GRIA2: variants seen among roughly 807,000 people sequenced by gnomAD.
GRIA2 encodes glutamate ionotropic receptor AMPA type subunit 2.
A neutral mutation model predicts 97.3 loss-of-function variants in GRIA2; 14 were observed. The ratio of observed to expected loss-of-function variants is 0.14; its 90% CI spans 0.10 to 0.23. The LOEUF (loss-of-function observed/expected upper bound fraction) is 0.23, where lower values mean the gene tolerates loss of function less well. GRIA2 is among the 10% of genes least tolerant of loss of function. The pLI is 1.00. For synonymous variants in GRIA2, 412 were observed against 387.8 expected (o/e 1.06, Z -0.73); for missense variants, 558 against 1,069.8 (o/e 0.52, Z 6.67).
chr4:157,279,442 G>C (rs939371083), intron 2 of GRIA2, among the ~76,000 whole-genome samples: 2 of 152,154 alleles, frequency 1.3e-5, no homozygotes, highest in African/African-American at 4.8e-5. Flanking sequence ...GGCTGAAGGA[G>C]GGAAGGATGA....
intron 2 of GRIA2, among the ~76,000 whole-genome samples, chr4:157,268,265 A>G (rs1035840416): frequency 1.2e-4 from 19 of 152,038 alleles, no homozygotes; most frequent in Non-Finnish European, 2.9e-5. Flanking sequence ...TGCCCAAGGG[A>G]ATCTTGGTGT....
intron 2 of GRIA2, among the ~76,000 whole-genome samples, chr4:157,235,233 T>C (rs1172406243): frequency 2.6e-5 from 4 of 152,242 alleles, no homozygotes; most frequent in African/African-American, 9.6e-5. Flanking sequence ...TATCACAAGA[T>C]TTTCTTCTTT....
At chr4:157,275,424 T>C (rs1732249802) in intron 2 of GRIA2, among the ~76,000 whole-genome samples, 1 of 152,222 alleles carries the variant, frequency 6.6e-6, no homozygotes, top group East Asian at 1.9e-4. Flanking sequence ...TTTGGTGTTT[T>C]AGTCATGAAG....
intron 6 of GRIA2, among the ~76,000 whole-genome samples, chr4:157,331,442 AC>A (rs547312241): frequency 2.4e-3 from 364 of 152,138 alleles, no homozygotes; most frequent in Non-Finnish European, 4.7e-3. Flanking sequence ...AAAATATTTG[AC>A]TTATTCAATT....
intron 2 of GRIA2, among the ~76,000 whole-genome samples, chr4:157,256,977 T>G (rs1579309640): frequency 6.6e-6 from 1 of 152,144 alleles, no homozygotes; most frequent in East Asian, 1.9e-4. Flanking sequence ...GTTGAGGTAT[T>G]TGGAAAGCAT....
At chr4:157,335,919 A>C (rs956998340) in intron 10 of GRIA2, 42 bp downstream of exon 10, 13 of 1,295,080 alleles carry the variant, frequency 1.0e-5, no homozygotes, top group Non-Finnish European at 2.2e-6. Flanking sequence ...TTCAATTTGA[A>C]TTGTTGTTGA....
chr4:157,333,025 G>T (rs368699030), intron 7 of GRIA2, 39 bp downstream of exon 7: 2 of 1,463,912 alleles, frequency 1.4e-6, no homozygotes, highest in East Asian at 2.3e-5. Flanking sequence ...GACTTAATAT[G>T]GCCATTAATG....
chr4:157,356,001 A>T (rs1417218034), intron 12 of GRIA2, among the ~76,000 whole-genome samples: 2 of 104,108 alleles, frequency 1.9e-5, no homozygotes, highest in South Asian at 2.7e-4. Flanking sequence ...ATATATATTT[A>T]TATATGTATT....
At chr4:157,357,406 G>A (rs994974263) in intron 12 of GRIA2, among the ~76,000 whole-genome samples, 2 of 152,018 alleles carry the variant, frequency 1.3e-5, no homozygotes, top group Non-Finnish European at 2.9e-5. Flanking sequence ...TGTTAAAAAA[G>A]GGAACAGTAA....
chr4:157,363,121 A>T (rs1027676405), intron 15 of GRIA2, 74 bp downstream of exon 15: 28 of 1,444,622 alleles, frequency 1.9e-5, no homozygotes, highest in African/African-American at 1.4e-4. Context: ...GCTCTTTTAA[A>T]TAAGGAAGGT....
At chr4:157,302,095 C>G (rs1016270932) in intron 2 of GRIA2, among the ~76,000 whole-genome samples, 4 of 151,600 alleles carry the variant, frequency 2.6e-5, no homozygotes, top group Admixed American at 2.6e-4. Flanking sequence ...ATCGCTTGAA[C>G]CCGGGAGGCG....
chr4:157,281,243 A>C (rs1309484014), intron 2 of GRIA2, among the ~76,000 whole-genome samples: 1 of 152,110 alleles, frequency 6.6e-6, no homozygotes. Flanking sequence ...GAGAATGTTC[A>C]TTAATTGGTA....
intron 2 of GRIA2, among the ~76,000 whole-genome samples, chr4:157,230,559 T>TTCC (rs1729959603): frequency 1.1e-5 from 1 of 89,406 alleles, no homozygotes; most frequent in African/African-American, 5.2e-5. Flanking sequence ...TCCTTCCTTC[T>TTCC]TTCCTTCCTT....
chr4:157,296,567 T>C (rs1026184649), intron 2 of GRIA2, among the ~76,000 whole-genome samples: 6 of 152,232 alleles, frequency 3.9e-5, no homozygotes, highest in African/African-American at 1.4e-4. Flanking sequence ...AATTTAAACT[T>C]AAAAGAATTC....
chr4:157,297,204 G>A (rs1160940501), intron 2 of GRIA2, among the ~76,000 whole-genome samples: 3 of 152,080 alleles, frequency 2.0e-5, no homozygotes, highest in African/African-American at 7.2e-5. Flanking sequence ...AGATAGAGAG[G>A]TCTAATGGGC....
intron 2 of GRIA2, among the ~76,000 whole-genome samples, chr4:157,253,606 T>TAGA (rs1389641531): frequency 6.6e-6 from 1 of 152,110 alleles, no homozygotes; most frequent in Non-Finnish European, 1.5e-5. Flanking sequence ...GAAAGCAGAA[T>TAGA]AGAATACTAG....
intron 12 of GRIA2, among the ~76,000 whole-genome samples, chr4:157,354,580 A>G (rs936910368): frequency 2.0e-5 from 3 of 152,212 alleles, no homozygotes; most frequent in Non-Finnish European, 4.4e-5. Flanking sequence ...AGTATGCACC[A>G]GATTAAACTG....
chr4:157,313,167 A>G (rs746613814), intron 4 of GRIA2, among the ~76,000 whole-genome samples: 5 of 152,102 alleles, frequency 3.3e-5, no homozygotes, highest in Non-Finnish European at 7.4e-5. Context: ...TTTCATTTGA[A>G]AATTTTAAAT....
intron 2 of GRIA2, chr4:157,249,581 C>T (rs1433214498): frequency 6.6e-6 from 1 of 152,094 alleles, no homozygotes; most frequent in Non-Finnish European, 1.5e-5. Flanking sequence ...GAATTTCTGA[C>T]TCTTAAAATA....
Sources: gnomAD v4.1 joint callset for allele counts (sites outside exome capture counted in the v4.1 genomes callset) on GRCh38, gnomAD v4.1.1 for gene constraint, MANE v1.5 for transcripts, NCBI Gene and HGNC (gene_info 2026-07-23, HGNC 2026-07-21) for gene names.